The following SULF1 variants were observed in gnomAD, a reference collection of about 807,000 sequenced individuals.
SULF1 encodes the protein sulfatase 1.
A neutral mutation model predicts 110.5 loss-of-function variants in SULF1; 46 were observed. That is an observed-to-expected ratio of 0.42 (90% CI 0.33 to 0.53). The LOEUF (loss-of-function observed/expected upper bound fraction) is 0.53. Among genes scored for constraint, SULF1 ranks in the 20% least tolerant of loss-of-function variants. SULF1 has a pLI of 0.12. For synonymous variants in SULF1, 371 were observed against 387.1 expected (o/e 0.96, Z 0.49); for missense variants, 941 against 1,094.2 (o/e 0.86, Z 1.98).
rs1238983995 is a variant in SULF1 at position 69,604,952 on chromosome 8, T to C, written c.1377+20T>C. 8 of 1,613,012 alleles carry C rather than the reference T, an allele frequency of 5.0e-6. No homozygotes were observed. The highest frequency in any genetic ancestry group is 1.7e-6 in the Non-Finnish European group (2 of 1,179,694). ...GGGCAGGTGAGTGACGCAGGCTTTC[T>C]TTACCACCACTCATGTGCTTCTCCA... On this transcript the variant is annotated intron_variant, in intron 13 of 22. Coordinates refer to ENST00000402687, the MANE Select transcript of SULF1 (RefSeq NM_001128205.2).
Position 69,660,725 on chromosome 8 carries a change from C to T in SULF1, c.*2190C>T, listed in dbSNP as rs1301163130. 4 of 152,360 alleles carry T rather than the reference C, an allele frequency of 2.6e-5. No homozygotes were observed. Among genetic ancestry groups the T allele is most frequent in the East Asian group, 1.9e-4 (1 of 5,192 alleles). 9.4% of individuals were successfully genotyped at this position (152,360 alleles called of 1,614,324 possible). On this transcript the variant is annotated 3_prime_UTR_variant, in exon 23 of 23. Coordinates refer to ENST00000402687, the MANE Select transcript of SULF1 (RefSeq NM_001128205.2). ...GCTGCTTGCCTGATGTGTGTATCAT[C>T]GGTGGGATGACAGAACAAACATATT...
intron 8 of SULF1, among the ~76,000 whole-genome samples, chr8:69,594,746 G>T (rs1807177872): frequency 6.6e-6 from 1 of 151,946 alleles, no homozygotes; most frequent in Non-Finnish European, 1.5e-5. Flanking sequence ...AGAACTCATT[G>T]CTCCCTTTTC....
chr8:69,527,444 G>A (rs768484806), intron 3 of SULF1, among the ~76,000 whole-genome samples: 10 of 152,054 alleles, frequency 6.6e-5, no homozygotes, highest in Non-Finnish European at 1.2e-4. Context: ...AGAACTAGAG[G>A]TCAGGAAGCA....
chr8:69,520,296 G>GT lies in SULF1; in HGVS notation c.-134+18337dup, dbSNP rs150276400. ...TTTGTTCCTTTTTGACTATATTTCT[G>GT]TTTTTTTTTCCAATGAAAAGAAGAC... On this transcript the variant is annotated intron_variant, in intron 3 of 22. Coordinates refer to ENST00000402687, the MANE Select transcript of SULF1 (RefSeq NM_001128205.2). 5.5e-3 allele frequency among the ~76,000 whole-genome samples: 822 copies of GT among 150,610 alleles called. 5 individuals carry two copies. The highest frequency in any genetic ancestry group is 7.7e-3 in the Non-Finnish European group (519 of 67,532).
chr8:69,654,597 C>A (rs1445787519), intron 22 of SULF1, among the ~76,000 whole-genome samples: 2 of 152,194 alleles, frequency 1.3e-5, no homozygotes, highest in African/African-American at 4.8e-5. Flanking sequence ...CCAACACCAG[C>A]AGTTGCATCT....
Position 69,576,124 on chromosome 8 carries a change from C to A in SULF1, c.327C>A (p.Asn109Lys). The part of the protein sequence containing the change: ...YVHNHNVYTN[N>K]ENCSSPSWQA... ...ACAATCACAATGTCTACACCAACAA[C>A]GAGAACTGCTCTTCCCCCTCGTGGC... is the stretch of plus-strand genomic sequence containing the variant. Residue 109 changes from asparagine to lysine, a missense_variant, in exon 6 of 23, where the codon AAC becomes AAA. Around this residue, in one of 3 missense-constraint regions of SULF1, gnomAD observed 822 missense variants for 934.3 expected, o/e 0.88. Transcript: ENST00000402687. The A allele has an allele frequency of 6.2e-7, 1 of 1,614,230 alleles. No homozygotes were observed. The highest frequency in any genetic ancestry group is 8.5e-7 in the Non-Finnish European group (1 of 1,180,032).
intron 3 of SULF1, among the ~76,000 whole-genome samples, chr8:69,544,430 G>A (rs1814103481): frequency 6.6e-6 from 1 of 151,852 alleles, no homozygotes; most frequent in African/African-American, 2.4e-5. Flanking sequence ...CACCACAGCT[G>A]GCTAATTTTT....
chr8:69,494,168 T>C (rs6998565), intron 1 of SULF1, among the ~76,000 whole-genome samples: 21,386 of 152,182 alleles, frequency 0.14, 1,671 homozygotes, highest in Middle Eastern at 0.18. Context: ...TCACTTTTAA[T>C]GCTGTAAGTG....
intron 22 of SULF1, among the ~76,000 whole-genome samples, chr8:69,654,037 C>G (rs552701877): frequency 2.0e-5 from 3 of 152,196 alleles, no homozygotes; most frequent in African/African-American, 7.2e-5. Flanking sequence ...TCAGGTTTGC[C>G]AGCTTCTGTT....
At chr8:69,644,937 C>T (rs973552931) in intron 22 of SULF1, among the ~76,000 whole-genome samples, 3 of 152,140 alleles carry the variant, frequency 2.0e-5, no homozygotes, top group African/African-American at 7.2e-5. Flanking sequence ...TATTTTAAAG[C>T]TGTCTTACTA....
chr8:69,568,313 T>C (rs1804949238), intron 5 of SULF1, among the ~76,000 whole-genome samples: 1 of 152,180 alleles, frequency 6.6e-6, no homozygotes, highest in Admixed American at 6.5e-5. Flanking sequence ...TCTAGAAAGA[T>C]GAAGGCTGAG....
intron 2 of SULF1, 118 bp downstream of exon 2, chr8:69,496,044 C>CT (rs776103672): frequency 6.6e-6 from 1 of 152,230 alleles, no homozygotes; most frequent in Non-Finnish European, 1.5e-5. Context: ...ATCTTGAGGT[C>CT]TGATTACTTG....
At chr8:69,620,940 A>T in intron 13 of SULF1, 95 bp from the exon 14 acceptor site, 1 of 1,029,452 alleles carries the variant, frequency 9.7e-7, no homozygotes, top group East Asian at 2.5e-5. Flanking sequence ...CAGTGCTTCT[A>T]AAAAAAAGAA....
intron 1 of SULF1, among the ~76,000 whole-genome samples, chr8:69,475,340 A>G (rs1809255398): frequency 6.6e-6 from 1 of 151,994 alleles, no homozygotes; most frequent in Non-Finnish European, 1.5e-5. Flanking sequence ...TGAGAGTGAC[A>G]GTGAGTGAGC....
At position 69,543,665 on chromosome 8, in the gene SULF1, G is replaced by C. The variant is rs570011197; in HGVS notation, c.-133-19874G>C. Reference sequence around the variant, plus strand: ...TGATTCCATGTCTTTAGAAGCCCCTGATTTTTTTAATCATCTGTGTTCAAT... The same window carrying C: ...TGATTCCATGTCTTTAGAAGCCCCTCATTTTTTTAATCATCTGTGTTCAAT... On this transcript the variant is annotated intron_variant, in intron 3 of 22. Coordinates refer to ENST00000402687, the MANE Select transcript of SULF1 (RefSeq NM_001128205.2). Among the ~76,000 whole-genome samples, 36 of 152,188 alleles carry C rather than the reference G, an allele frequency of 2.4e-4. 3 individuals are homozygous for C. In the South Asian group the frequency reaches 7.3e-3, roughly 31 times the overall value.
chr8:69,583,098 C>T (rs1806192966), intron 6 of SULF1, among the ~76,000 whole-genome samples: 1 of 152,192 alleles, frequency 6.6e-6, no homozygotes, highest in African/African-American at 2.4e-5. Flanking sequence ...CTAATTGGTT[C>T]ACTCATTCAC....
intron 14 of SULF1, among the ~76,000 whole-genome samples, chr8:69,623,668 C>T (rs1387345185): frequency 6.6e-6 from 1 of 152,250 alleles, no homozygotes; most frequent in East Asian, 1.9e-4. Context: ...CTGGACTAAC[C>T]CCCTCACTTG....
chr8:69,629,512 C>T lies in SULF1; in HGVS notation c.2117C>T (p.Ala706Val). The change falls in exon 19 of 23, where the codon GCT (alanine) becomes GTT (valine). Residue 706 changes from alanine to valine, a missense_variant. Ala to Val is a moderately conservative substitution (Grantham distance 64). This residue lies in a region of SULF1 where 822 missense variants were observed against 934.3 expected (regional missense o/e 0.88). Transcript: ENST00000402687. ...CCCTTCTCTTGGAACAGGGAGGCTG[C>T]TCAGGAAGTAGATAGCAAACTGCAA... ...KSHLHPFKEA[A>V]QEVDSKLQLF... The T allele has an allele frequency of 6.2e-7, 1 of 1,611,772 alleles. No homozygotes were observed. Among genetic ancestry groups the T allele is most frequent in the South Asian group, 1.1e-5 (1 of 90,618 alleles).
At chr8:69,511,323 A>C (rs1370548273) in intron 3 of SULF1, among the ~76,000 whole-genome samples, 1 of 152,114 alleles carries the variant, frequency 6.6e-6, no homozygotes, top group Non-Finnish European at 1.5e-5. Context: ...TCTCCCATTC[A>C]ATCATGATTT....
Sources: allele counts gnomAD v4.1 joint callset (sites outside exome capture counted in the v4.1 genomes callset), GRCh38; gene constraint gnomAD v4.1.1; regional missense constraint gnomAD v4.1.1; transcripts MANE v1.5; gene names NCBI Gene and HGNC (gene_info 2026-07-23, HGNC 2026-07-21).